Variants in ARHGAP42 observed in about 807,000 individuals in gnomAD.
ARHGAP42 encodes the protein rho GTPase-activating protein 42.
ARHGAP42 carries 63 observed loss-of-function variants against 125.0 expected under a neutral mutation model. The ratio of observed to expected loss-of-function variants is 0.50; its 90% CI spans 0.41 to 0.62. The LOEUF (loss-of-function observed/expected upper bound fraction) is 0.62, where lower values mean the gene tolerates loss of function less well. Among genes scored for constraint, ARHGAP42 ranks in the 20% least tolerant of loss-of-function variants. ARHGAP42 has a pLI of 0.00. For synonymous variants in ARHGAP42, 339 were observed against 351.0 expected, an observed-to-expected ratio of 0.97 and a Z score of 0.38; for missense variants, 766 against 1,024.2, an observed-to-expected ratio of 0.75 and a Z score of 3.44.
chr11:100,714,459 C>T (rs1408973855), intron 1 of ARHGAP42, among the ~76,000 whole-genome samples: 1 of 151,902 alleles, frequency 6.6e-6, no homozygotes, highest in Non-Finnish European at 1.5e-5. Context: ...AGCAGCCATT[C>T]CCACTAACCC....
chr11:100,940,381 C>G (rs1450957168), intron 8 of ARHGAP42, among the ~76,000 whole-genome samples: 1 of 152,096 alleles, frequency 6.6e-6, no homozygotes, highest in African/African-American at 2.4e-5. Flanking sequence ...AGATGCTATT[C>G]ATATGTAGAA....
At chr11:100,764,864 T>A (rs373212533) in intron 1 of ARHGAP42, among the ~76,000 whole-genome samples, 7 of 152,182 alleles carry the variant, frequency 4.6e-5, no homozygotes, top group East Asian at 1.9e-4. Context: ...GTGGGTAGGT[T>A]AGGTTTACAA....
intron 3 of ARHGAP42, among the ~76,000 whole-genome samples, chr11:100,827,619 G>A (rs893616197): frequency 2.0e-5 from 3 of 152,220 alleles, no homozygotes; most frequent in South Asian, 2.1e-4. Context: ...GGAATACCAT[G>A]GGGTATAGAA....
intron 4 of ARHGAP42, among the ~76,000 whole-genome samples, chr11:100,889,438 A>C (rs926336239): frequency 2.0e-5 from 3 of 152,182 alleles, no homozygotes; most frequent in African/African-American, 7.2e-5. Flanking sequence ...TCAAGGTGCC[A>C]CCTTGAAGCA....
At chr11:100,785,451 G>C (rs1863410129) in intron 2 of ARHGAP42, among the ~76,000 whole-genome samples, 1 of 152,182 alleles carries the variant, frequency 6.6e-6, no homozygotes. Flanking sequence ...AAAAGCAAAG[G>C]GGTTAGATAG....
chr11:100,986,727 G>T (rs1303551634), intron 22 of ARHGAP42, among the ~76,000 whole-genome samples: 1 of 152,062 alleles, frequency 6.6e-6, no homozygotes, highest in African/African-American at 2.4e-5. Flanking sequence ...ATTGAATGTT[G>T]CAGATTAAAG....
At chr11:100,827,647 G>A (rs79568271) in intron 3 of ARHGAP42, among the ~76,000 whole-genome samples, 200 of 152,350 alleles carry the variant, frequency 1.3e-3, no homozygotes, top group African/African-American at 4.5e-3. Flanking sequence ...GGTAAGGTGT[G>A]GCTGGCCACA....
intron 1 of ARHGAP42, among the ~76,000 whole-genome samples, chr11:100,751,470 T>A (rs962620567): frequency 5.9e-5 from 9 of 151,822 alleles, no homozygotes; most frequent in African/African-American, 2.2e-4. Flanking sequence ...TTTTATTTTT[T>A]TTTTTCTGCA....
chr11:100,940,362 C>A (rs144603058), intron 8 of ARHGAP42, among the ~76,000 whole-genome samples: 6 of 152,098 alleles, frequency 3.9e-5, no homozygotes, highest in African/African-American at 1.4e-4. Context: ...AAGATGGGTC[C>A]CTGGATGGAG....
At chr11:100,699,709 T>C (rs1264281641) in intron 1 of ARHGAP42, among the ~76,000 whole-genome samples, 1 of 151,298 alleles carries the variant, frequency 6.6e-6, no homozygotes, top group African/African-American at 2.4e-5. Flanking sequence ...TTTTAGTACA[T>C]ATGGGGTTTC....
At chr11:100,952,727 A>T (rs1410448105) in intron 12 of ARHGAP42, among the ~76,000 whole-genome samples, 1 of 46,834 alleles carries the variant, frequency 2.1e-5, no homozygotes, top group African/African-American at 8.3e-5. Flanking sequence ...AATTCACCTA[A>T]GTCAGGCTTT....
intron 4 of ARHGAP42, among the ~76,000 whole-genome samples, chr11:100,896,410 A>G (rs553340185): frequency 1.3e-5 from 2 of 152,344 alleles, no homozygotes; most frequent in African/African-American, 4.8e-5. Flanking sequence ...TCCTTGAGGA[A>G]TCGTCACACT....
intron 4 of ARHGAP42, among the ~76,000 whole-genome samples, chr11:100,883,735 T>C (rs945111652): frequency 6.6e-6 from 1 of 152,146 alleles, no homozygotes; most frequent in African/African-American, 2.4e-5. Context: ...AGAAGCCTTT[T>C]TTGGAGAACT....
At chr11:100,950,791 T>C (rs1248342296) in intron 12 of ARHGAP42, among the ~76,000 whole-genome samples, 1 of 152,166 alleles carries the variant, frequency 6.6e-6, no homozygotes, top group Non-Finnish European at 1.5e-5. Flanking sequence ...ATTCCAAGTT[T>C]TATGTAATGC....
intron 1 of ARHGAP42, among the ~76,000 whole-genome samples, chr11:100,732,462 C>G (rs906571151): frequency 2.0e-5 from 3 of 152,196 alleles, no homozygotes; most frequent in Non-Finnish European, 4.4e-5. Flanking sequence ...TACATCGTCT[C>G]AGACCAAAAT....
chr11:100,848,393 T>G (rs1865121629), intron 3 of ARHGAP42, among the ~76,000 whole-genome samples: 1 of 152,192 alleles, frequency 6.6e-6, no homozygotes, highest in Admixed American at 6.5e-5. Flanking sequence ...GTTAGGATTC[T>G]GTGTTTGGGG....
At chr11:100,987,771 C>T (rs1591343756) in intron 23 of ARHGAP42, among the ~76,000 whole-genome samples, 179 bp downstream of exon 23, 1 of 151,684 alleles carries the variant, frequency 6.6e-6, no homozygotes, top group Non-Finnish European at 1.5e-5. Context: ...TCTGTAGTCC[C>T]AGCTGCTTAG....
At chr11:100,881,239 T>C (rs917626084) in intron 4 of ARHGAP42, among the ~76,000 whole-genome samples, 3 of 152,196 alleles carry the variant, frequency 2.0e-5, no homozygotes, top group African/African-American at 7.2e-5. Context: ...TAAGTCCTTC[T>C]TCCATCTTGA....
chr11:100,981,112 G>T (rs12364322), intron 22 of ARHGAP42, among the ~76,000 whole-genome samples: 34,187 of 152,084 alleles, frequency 0.22, 4,577 homozygotes, highest in Middle Eastern at 0.36. Context: ...TGTAACCTCA[G>T]AGTTACCAAT....
Sources: allele counts gnomAD v4.1 joint callset (sites outside exome capture counted in the v4.1 genomes callset), GRCh38; gene constraint gnomAD v4.1.1; transcripts MANE v1.5; gene names NCBI Gene and HGNC (gene_info 2026-07-23, HGNC 2026-07-21).